RPS6: variants seen among roughly 807,000 people sequenced by gnomAD.
RPS6 encodes the protein small ribosomal subunit protein eS6.
Under a neutral mutation model 27.1 loss-of-function variants are expected in RPS6, and 1 was observed. The ratio of observed to expected loss-of-function variants is 0.04; its 90% CI spans 0.01 to 0.18. RPS6 has a LOEUF of 0.18. RPS6 is among the 10% of genes least tolerant of loss of function. The probability of loss-of-function intolerance (pLI) is 1.00; values close to 1 mark genes in which losing one functional copy is unlikely to be tolerated. For synonymous variants in RPS6, 152 were observed against 106.0 expected (o/e 1.43, Z -2.66); for missense variants, 259 against 319.1 (o/e 0.81, Z 1.44).
At position 19,375,894 on chromosome 9, in the gene RPS6, TAA is replaced by T. The variant is rs1254170395; in HGVS notation, c.*397_*398del. The T allele has an allele frequency of 1.9e-5, 3 of 154,698 alleles. No individual in the cohort carries two copies. Among genetic ancestry groups the T allele is most frequent in the Admixed American group, 6.4e-5 (1 of 15,638 alleles). The allele number at this position is 154,698 out of a possible 1,614,324, so 9.6% of individuals were successfully genotyped here. A position where few individuals can be genotyped will look rare whatever the true frequency, so the allele number is the denominator to read the frequency against. On this transcript the variant is annotated 3_prime_UTR_variant, in exon 6 of 6. Coordinates refer to ENST00000380394, the MANE Select transcript of RPS6 (RefSeq NM_001010.3). The stretch of plus-strand genomic sequence containing the variant: ...AAACTATGCCTTAAAAGTTACCTTT[TAA>T]AAAAGACATGTTCATCTTCACAAGG...
Position 19,375,750 on chromosome 9 carries a change from C to CTTTTCAGTGTG in RPS6, c.*532_*542dup, listed in dbSNP as rs1477665661. 2 of 152,206 alleles carry CTTTTCAGTGTG rather than the reference C, an allele frequency of 1.3e-5. No homozygotes were observed. Among genetic ancestry groups the CTTTTCAGTGTG allele is most frequent in the Non-Finnish European group, 2.9e-5 (2 of 68,104 alleles). 9.4% of individuals were successfully genotyped at this position (152,206 alleles called of 1,614,324 possible). On this transcript the variant is annotated 3_prime_UTR_variant, in exon 6 of 6. Transcript: ENST00000380394. ...ATCCAAGAATGTTTTTAGTCATTTC[C>CTTTTCAGTGTG]TTTTCAGTGTGTGAACAGCCTAACA...
chr9:19,376,188 TCTATGAC>T lies in RPS6; in HGVS notation c.*98_*104del. ...ATACCATATATACATATCCCCATTTTCTATGACCTAACTTTCCCTCTCTTCATTTATG... is the reference window on the plus strand; with the variant it reads ...ATACCATATATACATATCCCCATTTTCTAACTTTCCCTCTCTTCATTTATG... On this transcript the variant is annotated 3_prime_UTR_variant, in exon 6 of 6. Coordinates refer to ENST00000380394, the MANE Select transcript of RPS6 (RefSeq NM_001010.3). 4 of 982,356 alleles carry T rather than the reference TCTATGAC, an allele frequency of 4.1e-6. No homozygotes were observed. The highest frequency in any genetic ancestry group is 4.6e-6 in the Non-Finnish European group (3 of 647,478). 60.9% of individuals were successfully genotyped at this position (982,356 alleles called of 1,614,324 possible). A position where few individuals can be genotyped will look rare whatever the true frequency, so the allele number is the denominator to read the frequency against.
Position 19,379,562 on chromosome 9 carries a change from T to C in RPS6, c.63A>G (p.Glu21=). The C allele has an allele frequency of 3.7e-6, 6 of 1,614,208 alleles. No individual in the cohort carries two copies. Among genetic ancestry groups the C allele is most frequent in the Middle Eastern group, 1.6e-4 (1 of 6,062 alleles). ...TCTCATAGAAAGTACGAAGTTTGCGTTCATCGTCCACTTCAATGAGTTTCT... is the reference window on the plus strand; with the variant it reads ...TCTCATAGAAAGTACGAAGTTTGCGCTCATCGTCCACTTCAATGAGTTTCT... ...GCQKLIEVDD[E]RKLRTFYEKR... Residue 21 remains glutamate, a synonymous_variant, in exon 2 of 6, where the codon GAA becomes GAG. Coordinates refer to ENST00000380394, the MANE Select transcript of RPS6 (RefSeq NM_001010.3).
intron 2 of RPS6, 54 bp from the exon 3 acceptor site, chr9:19,378,972 C>T (rs1829634477): frequency 1.3e-6 from 2 of 1,544,390 alleles, no homozygotes; most frequent in African/African-American, 1.4e-5. Context: ...CAAAATTATA[C>T]AGTACAGGAT....
Position 19,376,586 on chromosome 9 carries a change from T to C in RPS6, c.562A>G (p.Lys188Glu). 1 of 1,614,254 alleles carries C rather than the reference T, an allele frequency of 6.2e-7. No homozygotes were observed. Residue 188 changes from lysine (K) to glutamate (E), a missense_variant, in exon 5 of 6, where the codon AAA (lysine) becomes GAA (glutamate). By Grantham distance (56) the Lys-to-Glu change is moderately conservative. This residue lies in a region of RPS6 where 191 missense variants were observed against 231.6 expected (regional missense o/e 0.82). Coordinates refer to ENST00000380394, the MANE Select transcript of RPS6 (RefSeq NM_001010.3). ...TTCTTCAGAGCAATACGCCGCCGTT[T>C]GTGCTGCAGGACACGTGGAGTAACA... The part of the protein sequence containing the change: ...RLVTPRVLQH[K>E]RRRIALKKQR...
chr9:19,378,076 C>A (rs62562711), intron 4 of RPS6, among the ~76,000 whole-genome samples: 1 of 152,126 alleles, frequency 6.6e-6, no homozygotes, highest in African/African-American at 2.4e-5. Context: ...ACATGTGACT[C>A]CTAAACCAGA....
chr9:19,380,007 G>T, intron 1 of RPS6, 183 bp downstream of exon 1: 8 of 1,482,894 alleles, frequency 5.4e-6, no homozygotes, highest in Non-Finnish European at 7.1e-6. Context: ...GGCTCCAGCC[G>T]CAATCGCCTG....
chr9:19,378,421 G>A lies in RPS6; in HGVS notation c.443C>T (p.Ser148Phe), dbSNP rs1047701964. The change falls in exon 4 of 6, where the codon TCT (serine) becomes TTT (phenylalanine). Residue 148 changes from serine (S) to phenylalanine (F), a missense_variant. This residue lies in a region of RPS6 where 191 missense variants were observed against 231.6 expected (regional missense o/e 0.82). Coordinates refer to ENST00000380394, the MANE Select transcript of RPS6 (RefSeq NM_001010.3). ...ASRIRKLFNL[S>F]KEDDVRQYVV... ...ATACTGGCGGACATCATCTTCTTTA[G>A]AGAGATTGAAAAGTTTGCGGATTCT... is the stretch of plus-strand genomic sequence containing the variant. 6.2e-7 allele frequency: 1 copy of A among 1,613,590 alleles called. No individual in the cohort carries two copies. Among genetic ancestry groups the A allele is most frequent in the Non-Finnish European group, 8.5e-7 (1 of 1,180,022 alleles).
chr9:19,378,036 G>C (rs1356862769), intron 4 of RPS6, among the ~76,000 whole-genome samples: 2 of 152,202 alleles, frequency 1.3e-5, no homozygotes, highest in African/African-American at 2.4e-5. Context: ...ATTACAAAGT[G>C]TGTGGTGCTA....
intron 1 of RPS6, 193 bp downstream of exon 1, chr9:19,379,997 G>C: frequency 1.4e-6 from 2 of 1,466,758 alleles, no homozygotes; most frequent in Non-Finnish European, 1.8e-6. Flanking sequence ...GGCCCGCCGC[G>C]GCTCCAGCCG....
intron 1 of RPS6, 193 bp from the exon 2 acceptor site, chr9:19,379,811 G>C: frequency 2.1e-6 from 3 of 1,432,356 alleles, no homozygotes; most frequent in Non-Finnish European, 2.7e-6. Context: ...GCACTCAGCA[G>C]GACGTTTTCC....
At chr9:19,379,298 A>G (rs912028372) in intron 2 of RPS6, 189 bp downstream of exon 2, 3 of 1,476,544 alleles carry the variant, frequency 2.0e-6, no homozygotes, top group East Asian at 2.5e-5. Flanking sequence ...AACTTTACGT[A>G]TATTTTATGG....
At chr9:19,378,220 G>T in intron 4 of RPS6, 148 bp downstream of exon 4, 1 of 718,152 alleles carries the variant, frequency 1.4e-6, no homozygotes, top group Non-Finnish European at 2.3e-6. Flanking sequence ...AACTGGGTAT[G>T]CTGGCCACCC....
chr9:19,378,991 C>A, intron 2 of RPS6, 73 bp from the exon 3 acceptor site: 1 of 1,366,114 alleles, frequency 7.3e-7, no homozygotes, highest in East Asian at 2.4e-5. Flanking sequence ...ATTGTGACCT[C>A]TGTGAACACA....
rs1563858628 is a variant in RPS6 at position 19,379,334 on chromosome 9, G to GT, written c.138+152dup. Reference sequence around the variant, plus strand: ...CTTACTCTACGTCCCCCCCTCCAAGGTAATACCTCTAACTTTATAAAGTGG... The same window carrying GT: ...CTTACTCTACGTCCCCCCCTCCAAGGTTAATACCTCTAACTTTATAAAGTGG... On this transcript the variant is annotated intron_variant, in intron 2 of 5. Transcript: ENST00000380394. 9.8e-6 allele frequency: 15 copies of GT among 1,529,714 alleles called. No individual in the cohort carries two copies. In the East Asian group the frequency reaches 3.7e-4, roughly 38 times the overall value. The allele number at this position is 1,529,714 out of a possible 1,614,324, so 94.8% of individuals were successfully genotyped here.
chr9:19,376,651 C>G lies in RPS6; in HGVS notation c.497G>C (p.Gly166Ala). The change falls in exon 5 of 6, where the codon GGT becomes GCT. Residue 166 changes from glycine to alanine, a missense_variant and splice_region_variant. Around this residue, in one of 3 missense-constraint regions of RPS6, gnomAD observed 191 missense variants for 231.6 expected, o/e 0.82. Coordinates refer to ENST00000380394, the MANE Select transcript of RPS6 (RefSeq NM_001010.3). Reference sequence around the variant, plus strand: ...GGGTGCTTTGGTCCTAGGTTTCTTACCTAAAAATTCAAAGGACTCAATCAT... The same window carrying G: ...GGGTGCTTTGGTCCTAGGTTTCTTAGCTAAAAATTCAAAGGACTCAATCAT... Reference protein sequence around the residue: ...YVVRKPLNKEGKKPRTKAPKI... With the variant: ...YVVRKPLNKEAKKPRTKAPKI... 2 of 1,598,742 alleles carry G rather than the reference C, an allele frequency of 1.3e-6. No homozygotes were observed. The highest frequency in any genetic ancestry group is 1.7e-6 in the Non-Finnish European group (2 of 1,176,214).
rs370530821 is a variant in RPS6, at chr9:19,379,542, T to A, written c.83A>T (p.Tyr28Phe). The A allele has an allele frequency of 6.8e-6, 11 of 1,614,196 alleles. No homozygotes were observed. Among genetic ancestry groups the A allele is most frequent in the Non-Finnish European group, 7.6e-6 (9 of 1,180,038 alleles). ...VDDERKLRTF[Y>F]EKRMATEVAA... Reference sequence around the variant, plus strand: ...AACTTCTGTGGCCATACGCTTCTCATAGAAAGTACGAAGTTTGCGTTCATC... The same window carrying A: ...AACTTCTGTGGCCATACGCTTCTCAAAGAAAGTACGAAGTTTGCGTTCATC... Residue 28 changes from tyrosine to phenylalanine, a missense_variant, in exon 2 of 6, where the codon TAT (tyrosine) becomes TTT (phenylalanine). Around this residue, in one of 3 missense-constraint regions of RPS6, gnomAD observed 65 missense variants for 66.6 expected, o/e 0.98. Transcript: ENST00000380394.
At chr9:19,379,187 A>ACAAAT in intron 2 of RPS6, 1 of 969,746 alleles carries the variant, frequency 1.0e-6, no homozygotes, top group Non-Finnish European at 1.5e-6. Context: ...ACAGCAACAA[A>ACAAAT]CAAATCAGAT....
intron 2 of RPS6, 138 bp downstream of exon 2, chr9:19,379,349 T>TTATA: frequency 2.6e-6 from 4 of 1,545,696 alleles, no homozygotes; most frequent in Non-Finnish European, 3.5e-6. Flanking sequence ...ACCTCTAACT[T>TTATA]TATAAAGTGG....
Sources: gnomAD v4.1 joint callset for allele counts (sites outside exome capture counted in the v4.1 genomes callset) on GRCh38, gnomAD v4.1.1 for gene constraint, gnomAD v4.1.1 regional missense constraint, MANE v1.5 for transcripts, NCBI Gene and HGNC (gene_info 2026-07-23, HGNC 2026-07-21) for gene names.